Variants in CTNNA3 observed in about 807,000 individuals in gnomAD.
CTNNA3 encodes catenin alpha-3.
In CTNNA3, 76 loss-of-function variants were observed where a neutral mutation model predicts 95.7. That is an observed-to-expected ratio of 0.79 (90% CI 0.66 to 0.96). CTNNA3 has a LOEUF of 0.96. CTNNA3 is among the 40% of genes least tolerant of loss of function. The probability of loss-of-function intolerance (pLI) is 0.00; values close to 1 mark genes in which losing one functional copy is unlikely to be tolerated. For synonymous variants in CTNNA3, 431 were observed against 374.4 expected (o/e 1.15, Z -1.74); for missense variants, 1,191 against 1,089.8 (o/e 1.09, Z -1.31).
intron 11 of CTNNA3, among the ~76,000 whole-genome samples, chr10:66,416,062 T>C (rs1490214988): frequency 1.3e-5 from 2 of 151,874 alleles, no homozygotes; most frequent in Non-Finnish European, 2.9e-5. Context: ...AACAAAGGAA[T>C]CAGAAAAACA....
intron 12 of CTNNA3, among the ~76,000 whole-genome samples, chr10:66,354,680 C>T (rs1277683520): frequency 1.3e-5 from 2 of 151,994 alleles, no homozygotes; most frequent in Non-Finnish European, 2.9e-5. Context: ...GCTTTCACTT[C>T]ATGTGCCCTG....
At chr10:67,402,913 C>T (rs994164106) in intron 5 of CTNNA3, among the ~76,000 whole-genome samples, 1 of 152,190 alleles carries the variant, frequency 6.6e-6, no homozygotes, top group African/African-American at 2.4e-5. Context: ...AGGAAGGGGG[C>T]CGAATCCAGG....
intron 7 of CTNNA3, among the ~76,000 whole-genome samples, chr10:66,907,932 T>C (rs751499100): frequency 6.6e-6 from 1 of 152,214 alleles, no homozygotes; most frequent in African/African-American, 2.4e-5. Context: ...AACATCCATA[T>C]GAATTTTCTT....
At chr10:66,569,344 T>C (rs187779077) in intron 10 of CTNNA3, among the ~76,000 whole-genome samples, 5 of 152,308 alleles carry the variant, frequency 3.3e-5, no homozygotes, top group Admixed American at 6.5e-5. Flanking sequence ...TAAGAGATAA[T>C]GGCCCATGTA....
At chr10:66,505,645 C>T (rs1273402717) in intron 11 of CTNNA3, among the ~76,000 whole-genome samples, 1 of 152,070 alleles carries the variant, frequency 6.6e-6, no homozygotes, top group Non-Finnish European at 1.5e-5. Flanking sequence ...CAAACTGGTT[C>T]TCACCTTCCT....
chr10:66,182,568 T>G (rs1421806506), intron 13 of CTNNA3, among the ~76,000 whole-genome samples: 2 of 152,136 alleles, frequency 1.3e-5, no homozygotes, highest in Non-Finnish European at 2.9e-5. Flanking sequence ...TACATTTATT[T>G]CTAAATAAGA....
At chr10:67,437,830 T>A (rs1846356884) in intron 5 of CTNNA3, among the ~76,000 whole-genome samples, 1 of 151,958 alleles carries the variant, frequency 6.6e-6, no homozygotes, top group Non-Finnish European at 1.5e-5. Context: ...CTATAATTAC[T>A]TTTTCTGGAG....
At chr10:67,479,396 A>G (rs1294827407) in intron 5 of CTNNA3, among the ~76,000 whole-genome samples, 1 of 152,150 alleles carries the variant, frequency 6.6e-6, no homozygotes. Context: ...AATCATACCA[A>G]CCATACTCTC....
intron 6 of CTNNA3, among the ~76,000 whole-genome samples, chr10:67,183,975 C>T (rs558413391): frequency 5.9e-5 from 9 of 151,970 alleles, no homozygotes; most frequent in Non-Finnish European, 1.3e-4. Context: ...AAAAAGGAGT[C>T]AGAAGGAGCC....
At chr10:67,389,808 T>C (rs1257019598) in intron 5 of CTNNA3, among the ~76,000 whole-genome samples, 1 of 152,090 alleles carries the variant, frequency 6.6e-6, no homozygotes, top group East Asian at 1.9e-4. Flanking sequence ...CCTGAATGAC[T>C]ACTGGGTACA....
At chr10:66,464,855 A>G (rs1213323846) in intron 11 of CTNNA3, among the ~76,000 whole-genome samples, 2 of 152,028 alleles carry the variant, frequency 1.3e-5, no homozygotes, top group African/African-American at 4.8e-5. Context: ...GGAATGGAGA[A>G]TTTTTCTGAA....
intron 9 of CTNNA3, among the ~76,000 whole-genome samples, chr10:66,698,058 A>G (rs941503106): frequency 6.6e-6 from 1 of 152,164 alleles, no homozygotes; most frequent in African/African-American, 2.4e-5. Flanking sequence ...CCTTTCAGAG[A>G]TGTATGGAAA....
At chr10:66,380,689 A>C (rs890002358) in intron 11 of CTNNA3, among the ~76,000 whole-genome samples, 1 of 150,600 alleles carries the variant, frequency 6.6e-6, no homozygotes, top group Non-Finnish European at 1.5e-5. Flanking sequence ...TATAAACATA[A>C]CATTATTTAA....
chr10:66,930,588 C>T (rs1847321180), intron 7 of CTNNA3, among the ~76,000 whole-genome samples: 1 of 152,070 alleles, frequency 6.6e-6, no homozygotes, highest in South Asian at 2.1e-4. Flanking sequence ...GTGATGGATA[C>T]CAAATATATT....
At chr10:66,685,608 G>A (rs896349907) in intron 9 of CTNNA3, among the ~76,000 whole-genome samples, 6 of 150,970 alleles carry the variant, frequency 4.0e-5, no homozygotes, top group South Asian at 2.1e-4. Context: ...TCCTGACCTC[G>A]TGATCCGCCC....
intron 7 of CTNNA3, among the ~76,000 whole-genome samples, chr10:67,140,874 A>C (rs1047495136): frequency 8.5e-5 from 13 of 152,244 alleles, no homozygotes; most frequent in Non-Finnish European, 1.3e-4. Flanking sequence ...CTTTCTTACA[A>C]GACAGCATTG....
At chr10:67,237,169 T>TAC (rs1564502803) in intron 5 of CTNNA3, among the ~76,000 whole-genome samples, 5 of 117,646 alleles carry the variant, frequency 4.3e-5, no homozygotes, top group Non-Finnish European at 8.9e-5. Flanking sequence ...TATATATATA[T>TAC]ATATACACAC....
At chr10:66,466,542 C>T (rs942557297) in intron 11 of CTNNA3, among the ~76,000 whole-genome samples, 15 of 152,008 alleles carry the variant, frequency 9.9e-5, no homozygotes, top group Non-Finnish European at 1.8e-4. Flanking sequence ...TCCCCCCTCA[C>T]TCATTGTGTC....
chr10:66,858,658 C>T (rs368555917), intron 7 of CTNNA3, among the ~76,000 whole-genome samples: 41 of 151,846 alleles, frequency 2.7e-4, no homozygotes, highest in African/African-American at 8.5e-4. Context: ...AAAATTTATC[C>T]GTTTCTTCTA....
Sources: allele counts gnomAD v4.1 joint callset (sites outside exome capture counted in the v4.1 genomes callset), GRCh38; gene constraint gnomAD v4.1.1; transcripts MANE v1.5; gene names NCBI Gene and HGNC (gene_info 2026-07-23, HGNC 2026-07-21).